The following NUDCD1 variants were observed in gnomAD, a reference collection of about 807,000 sequenced individuals.
The protein encoded by NUDCD1 is nudC domain-containing protein 1.
In NUDCD1, 60 loss-of-function variants were observed where a neutral mutation model predicts 67.8. The observed-to-expected ratio is 0.88, with a 90% CI of 0.72 to 1.10. The LOEUF (loss-of-function observed/expected upper bound fraction) is 1.10. Ranked by LOEUF, NUDCD1 falls within the 50% of genes least tolerant of loss-of-function variation. The pLI, the probability that NUDCD1 is intolerant of heterozygous loss-of-function variation, is 0.00. For missense variants in NUDCD1, 643 were observed against 695.0 expected, an observed-to-expected ratio of 0.93 and a Z score of 0.84; for synonymous variants, 244 against 230.8, an observed-to-expected ratio of 1.06 and a Z score of -0.52.
At chr8:109,265,670 T>A (rs1813976980) in intron 8 of NUDCD1, among the ~76,000 whole-genome samples, 1 of 152,216 alleles carries the variant, frequency 6.6e-6, no homozygotes, top group Non-Finnish European at 1.5e-5. Flanking sequence ...ACACATTTCA[T>A]GGAAGACAAT....
intron 8 of NUDCD1, among the ~76,000 whole-genome samples, chr8:109,251,285 G>A (rs1043388851): frequency 6.7e-6 from 1 of 149,524 alleles, no homozygotes; most frequent in Non-Finnish European, 1.5e-5. Flanking sequence ...GCAATTCTCT[G>A]CCTCAGTCTC....
chr8:109,296,973 G>A lies in NUDCD1; in HGVS notation c.274-404C>T, dbSNP rs1814857767. Among the ~76,000 whole-genome samples, 2 of 152,134 alleles carry A rather than the reference G, an allele frequency of 1.3e-5. 1 individual carries two copies. Among genetic ancestry groups the A allele is most frequent in the Non-Finnish European group, 2.9e-5 (2 of 68,028 alleles). Reference sequence around the variant, plus strand: ...AATGTATCCTTTAGTCCTAGTCAAGGCTTCAGATGACTGCAGCCCTGGCTA... The same window carrying A: ...AATGTATCCTTTAGTCCTAGTCAAGACTTCAGATGACTGCAGCCCTGGCTA... On this transcript the variant is annotated intron_variant, in intron 2 of 9. Coordinates refer to ENST00000239690, the MANE Select transcript of NUDCD1 (RefSeq NM_032869.4).
At chr8:109,264,489 C>A (rs1813946915) in intron 8 of NUDCD1, among the ~76,000 whole-genome samples, 2 of 152,142 alleles carry the variant, frequency 1.3e-5, no homozygotes, top group South Asian at 4.1e-4. Flanking sequence ...GGAAAGTCTG[C>A]ATAACTCTGA....
At chr8:109,298,233 C>T (rs1223358604) in intron 2 of NUDCD1, among the ~76,000 whole-genome samples, 3 of 152,086 alleles carry the variant, frequency 2.0e-5, no homozygotes, top group African/African-American at 4.8e-5. Flanking sequence ...TATTAAGTAG[C>T]CTATTAGTAG....
chr8:109,267,243 C>T (rs1454803562), intron 8 of NUDCD1, among the ~76,000 whole-genome samples: 5 of 152,044 alleles, frequency 3.3e-5, no homozygotes, highest in Non-Finnish European at 5.9e-5. Flanking sequence ...GCATAGTTCC[C>T]GACAGGTAGT....
In NUDCD1 at chr8:109,321,058, C is replaced by T. The variant is rs569818483; in HGVS notation, c.273+1251G>A. ...GTTTTTAAATTACATGAACACATTGCCTATTTTTAAATTACATATTAAAAA... is the reference window on the plus strand; with the variant it reads ...GTTTTTAAATTACATGAACACATTGTCTATTTTTAAATTACATATTAAAAA... On this transcript the variant is annotated intron_variant, in intron 2 of 9. Transcript: ENST00000239690. 5.5e-4 allele frequency among the ~76,000 whole-genome samples: 84 copies of T among 152,192 alleles called. 1 individual carries two copies. Among genetic ancestry groups the T allele is most frequent in the Middle Eastern group, 3.4e-3 (1 of 292 alleles).
chr8:109,306,707 C>T (rs1041530770), intron 2 of NUDCD1, among the ~76,000 whole-genome samples: 2 of 145,104 alleles, frequency 1.4e-5, no homozygotes, highest in Non-Finnish European at 3.0e-5. Flanking sequence ...TCCTTTAATA[C>T]GTGTTTTCCT....
At chr8:109,285,354 C>T (rs181059028) in intron 5 of NUDCD1, among the ~76,000 whole-genome samples, 1 of 152,128 alleles carries the variant, frequency 6.6e-6, no homozygotes, top group East Asian at 1.9e-4. Flanking sequence ...CTGGCAAAGA[C>T]ACACACAAAA....
At chr8:109,249,989 G>A (rs1813586430) in intron 8 of NUDCD1, among the ~76,000 whole-genome samples, 1 of 151,698 alleles carries the variant, frequency 6.6e-6, no homozygotes, top group Admixed American at 6.6e-5. Flanking sequence ...GGGACGACAA[G>A]CACACACTGC....
rs1168151740 is a variant in NUDCD1 at position 109,271,120 on chromosome 8, G to A, written c.1184C>T (p.Pro395Leu). The A allele has an allele frequency of 1.3e-6, 2 of 1,557,090 alleles. No homozygotes were observed. Among genetic ancestry groups the A allele is most frequent in the Non-Finnish European group, 8.7e-7 (1 of 1,145,376 alleles). Residue 395 changes from proline to leucine, a missense_variant, in exon 8 of 10, where the codon CCA becomes CTA. Physicochemically the swap from Pro to Leu is moderately conservative, Grantham distance 98 (BLOSUM62 -3). Coordinates refer to ENST00000239690, the MANE Select transcript of NUDCD1 (RefSeq NM_032869.4). ...ATTGCAAGGTGGTTTTTCTTTATCT[G>A]GATTTGGATTCTTAGTCCAGAAAAT... ...HLTSEELNPN[P>L]DKEKPPCNAQ... is the part of the protein sequence containing the mutation.
At chr8:109,311,367 T>A (rs1429129265) in intron 2 of NUDCD1, among the ~76,000 whole-genome samples, 2 of 152,088 alleles carry the variant, frequency 1.3e-5, no homozygotes, top group East Asian at 3.9e-4. Context: ...GTATGAAGAT[T>A]CCTTAAAGAA....
At chr8:109,249,741 A>G (rs1292272626) in intron 8 of NUDCD1, among the ~76,000 whole-genome samples, 1 of 152,226 alleles carries the variant, frequency 6.6e-6, no homozygotes, top group Non-Finnish European at 1.5e-5. Flanking sequence ...TTTAAAATCC[A>G]AAGTAAACAA....
Position 109,281,056 on chromosome 8 carries a change from C to T in NUDCD1, c.940G>A (p.Val314Ile). ...IQFLPDHINIVLKDHQFLEGK... is the reference protein window; with the variant it reads ...IQFLPDHINIILKDHQFLEGK... ...TCTAAAAACTGGTGATCCTTCAGTA[C>T]AATGTTGATGTGATCAGGCAAAAAC... The change falls in exon 6 of 10, where the codon GTA becomes ATA. Residue 314 changes from valine (V) to isoleucine (I), a missense_variant. Transcript: ENST00000239690. The T allele has an allele frequency of 1.2e-6, 2 of 1,612,300 alleles. No individual in the cohort carries two copies. The highest frequency in any genetic ancestry group is 2.2e-5 in the East Asian group (1 of 44,778).
chr8:109,327,939 T>C (rs1452911241), intron 1 of NUDCD1, among the ~76,000 whole-genome samples: 4 of 152,232 alleles, frequency 2.6e-5, no homozygotes, highest in Non-Finnish European at 5.9e-5. Flanking sequence ...CATTAGCCCT[T>C]TTCAATTGTT....
At chr8:109,268,667 G>C (rs1308489846) in intron 8 of NUDCD1, among the ~76,000 whole-genome samples, 12 of 152,128 alleles carry the variant, frequency 7.9e-5, no homozygotes, top group Admixed American at 2.6e-4. Flanking sequence ...GCAGAAAACA[G>C]TATCTAAGAG....
chr8:109,262,227 T>C (rs937499416), intron 8 of NUDCD1, among the ~76,000 whole-genome samples: 11 of 152,258 alleles, frequency 7.2e-5, no homozygotes, highest in African/African-American at 2.2e-4. Context: ...TGCTCTTTAC[T>C]CTCTAATACC....
chr8:109,258,225 A>T (rs1337780188), intron 8 of NUDCD1, among the ~76,000 whole-genome samples: 1 of 151,908 alleles, frequency 6.6e-6, no homozygotes, highest in Non-Finnish European at 1.5e-5. Context: ...AGTCAAAATA[A>T]TTTTTTTTCT....
At chr8:109,273,322 TA>T (rs1814202087) in intron 7 of NUDCD1, among the ~76,000 whole-genome samples, 1 of 152,048 alleles carries the variant, frequency 6.6e-6, no homozygotes, top group South Asian at 2.1e-4. Context: ...AAACATGGAA[TA>T]AATCAGCCAT....
chr8:109,243,550 C>T (rs1226083569), intron 9 of NUDCD1, among the ~76,000 whole-genome samples: 25 of 152,070 alleles, frequency 1.6e-4, no homozygotes, highest in Admixed American at 1.6e-3. Context: ...TCAAAAAAAG[C>T]GTAATATAGC....
Sources: gnomAD v4.1 joint callset for allele counts (sites outside exome capture counted in the v4.1 genomes callset) on GRCh38, gnomAD v4.1.1 for gene constraint, MANE v1.5 for transcripts, NCBI Gene and HGNC (gene_info 2026-07-23, HGNC 2026-07-21) for gene names.